The following TCP11L1 variants were observed in gnomAD, a reference collection of about 807,000 sequenced individuals.
TCP11L1 encodes the protein t-complex 11 like 1.
A neutral mutation model predicts 48.9 loss-of-function variants in TCP11L1; 28 were observed. The ratio of observed to expected loss-of-function variants is 0.57; its 90% CI spans 0.42 to 0.78. The LOEUF is 0.78. Ranked by LOEUF, TCP11L1 falls within the 30% of genes least tolerant of loss-of-function variation. The pLI is 0.00. For missense variants in TCP11L1, 505 were observed against 613.4 expected, an observed-to-expected ratio of 0.82 and a Z score of 1.87; for synonymous variants, 204 against 231.9, an observed-to-expected ratio of 0.88 and a Z score of 1.09.
chr11:33,042,010 A>G (rs147635291), intron 1 of TCP11L1, among the ~76,000 whole-genome samples: 156 of 152,338 alleles, frequency 1.0e-3, no homozygotes, highest in African/African-American at 3.6e-3. Context: ...GATGTTACAA[A>G]TGTTAATTAT....
intron 7 of TCP11L1, among the ~76,000 whole-genome samples, chr11:33,064,569 G>A (rs1227888032): frequency 6.8e-6 from 1 of 147,634 alleles, no homozygotes; most frequent in Non-Finnish European, 1.5e-5. Flanking sequence ...CTTTAACATG[G>A]GGGAGGCAGT....
At chr11:33,049,421 A>G (rs186894492) in intron 2 of TCP11L1, among the ~76,000 whole-genome samples, 9 of 152,230 alleles carry the variant, frequency 5.9e-5, no homozygotes, top group Admixed American at 1.3e-4. Context: ...GAAATAAGAC[A>G]CAGAGACAAA....
intron 8 of TCP11L1, 35 bp downstream of exon 8, chr11:33,066,046 T>C (rs774113085): frequency 6.2e-7 from 1 of 1,608,852 alleles, no homozygotes; most frequent in Non-Finnish European, 8.5e-7. Flanking sequence ...TGGGACGCAG[T>C]GGATGTCAGA....
At chr11:33,058,912 T>C (rs774351562) in intron 5 of TCP11L1, 47 bp from the exon 6 acceptor site, 1 of 1,601,100 alleles carries the variant, frequency 6.2e-7, no homozygotes, top group South Asian at 1.1e-5. Flanking sequence ...CCTTTAATGC[T>C]ATGTTTACTT....
chr11:33,066,402 A>G (rs1050323116), intron 8 of TCP11L1, among the ~76,000 whole-genome samples: 2 of 152,136 alleles, frequency 1.3e-5, no homozygotes, highest in Non-Finnish European at 2.9e-5. Context: ...AAATTTTGGC[A>G]TGGGGCACAT....
In TCP11L1 at chr11:33,055,814, ATTG is replaced by A. The variant is rs562590584; in HGVS notation, c.296+1104_296+1106del. On this transcript the variant is annotated intron_variant, in intron 3 of 9. Coordinates refer to ENST00000334274, the MANE Select transcript of TCP11L1 (RefSeq NM_018393.4). ...GTGCTCAAGACAGAAAGACATTTTT[ATTG>A]TTGTTGTTGTTGTTTTTTGAGATGG... 5.3e-5 allele frequency among the ~76,000 whole-genome samples: 8 copies of A among 152,208 alleles called. No individual in the cohort carries two copies. The South Asian group carries it at 6.2e-4, about 12-fold the overall frequency.
At chr11:33,056,968 G>T (rs749029654) in intron 3 of TCP11L1, 147 bp from the exon 4 acceptor site, 3 of 1,137,268 alleles carry the variant, frequency 2.6e-6, no homozygotes, top group Non-Finnish European at 3.7e-6. Flanking sequence ...TATGCCCTCA[G>T]TTGAAGTATG....
At chr11:33,055,443 G>C (rs1367649403) in intron 3 of TCP11L1, among the ~76,000 whole-genome samples, 1 of 152,200 alleles carries the variant, frequency 6.6e-6, no homozygotes, top group Non-Finnish European at 1.5e-5. Context: ...TTGTTGGAGA[G>C]GAACATCTTC....
chr11:33,057,104 C>T lies in TCP11L1; in HGVS notation c.297-11C>T, dbSNP rs754788809. ...TTTTTGCCCCCCTCCTTTTTTTTTT[C>T]ACTGCCCCAGCTTGAAGAAGAGAGT... On this transcript the variant is annotated splice_polypyrimidine_tract_variant and intron_variant, in intron 3 of 9. Transcript: ENST00000334274. 3.4e-5 allele frequency: 54 copies of T among 1,596,298 alleles called. No individual in the cohort carries two copies. Among genetic ancestry groups the T allele is most frequent in the Admixed American group, 1.3e-4 (7 of 55,654 alleles).
chr11:33,041,771 A>C (rs1174395632), intron 1 of TCP11L1, among the ~76,000 whole-genome samples: 11 of 152,108 alleles, frequency 7.2e-5, no homozygotes, highest in Admixed American at 6.6e-4. Flanking sequence ...AAAAAACAAA[A>C]AAACAGGCCT....
Position 33,073,013 on chromosome 11 carries a change from T to C in TCP11L1, c.*337T>C, listed in dbSNP as rs1250141978. ...TCTCTTCTGCAATCTGGGTAGTTCTTTCAGATGCCTCATGCTGAGCTGACG... is the reference window on the plus strand; with the variant it reads ...TCTCTTCTGCAATCTGGGTAGTTCTCTCAGATGCCTCATGCTGAGCTGACG... On this transcript the variant is annotated 3_prime_UTR_variant, in exon 10 of 10. Coordinates refer to ENST00000334274, the MANE Select transcript of TCP11L1 (RefSeq NM_018393.4). The C allele has an allele frequency of 1.9e-5, 6 of 322,308 alleles. No homozygotes were observed. Among genetic ancestry groups the C allele is most frequent in the Non-Finnish European group, 3.5e-5 (6 of 169,558 alleles). 20.0% of individuals were successfully genotyped at this position (322,308 alleles called of 1,614,324 possible). A position where few individuals can be genotyped will look rare whatever the true frequency, so the allele number is the denominator to read the frequency against.
chr11:33,051,474 A>T (rs748764678), intron 2 of TCP11L1, among the ~76,000 whole-genome samples: 2 of 152,148 alleles, frequency 1.3e-5, no homozygotes, highest in Non-Finnish European at 2.9e-5. Flanking sequence ...TTACATATAG[A>T]TACTTAATTG....
chr11:33,067,624 T>C (rs572529552), intron 8 of TCP11L1, among the ~76,000 whole-genome samples: 2 of 152,340 alleles, frequency 1.3e-5, no homozygotes, highest in East Asian at 3.9e-4. Flanking sequence ...GTCAGTGCTT[T>C]CTTGGGAGCC....
rs751821454 is a variant in TCP11L1, at chr11:33,066,006, C to T, written c.1149C>T (p.His383=). 3 of 1,613,986 alleles carry T rather than the reference C, an allele frequency of 1.9e-6. No homozygotes were observed. Among genetic ancestry groups the T allele is most frequent in the Non-Finnish European group, 2.5e-6 (3 of 1,179,896 alleles). ...MIVKILLTDM[H]LPSFHLKDVL... is the part of the protein sequence containing the mutation. ...TGAAGATTTTGCTAACAGATATGCA[C>T]CTGCCGTAAGTGGAACTTTGATGCG... Residue 383 remains histidine (H), a synonymous_variant, in exon 8 of 10, where the codon CAC becomes CAT. Coordinates refer to ENST00000334274, the MANE Select transcript of TCP11L1 (RefSeq NM_018393.4).
At chr11:33,060,416 C>T (rs1379012476) in intron 6 of TCP11L1, among the ~76,000 whole-genome samples, 10 of 152,102 alleles carry the variant, frequency 6.6e-5, no homozygotes, top group Admixed American at 2.6e-4. Flanking sequence ...GAGTCATGAC[C>T]GAGAGCTCAG....
intron 6 of TCP11L1, among the ~76,000 whole-genome samples, chr11:33,060,692 C>CA (rs1218292047): frequency 6.6e-6 from 1 of 152,158 alleles, no homozygotes; most frequent in Admixed American, 6.5e-5. Flanking sequence ...GCTTCCCTGA[C>CA]AGAGTTCACT....
In TCP11L1 at chr11:33,061,611, T is replaced by TG. The variant is rs1429437645; in HGVS notation, c.863dup (p.Met289AsnfsTer81). ...CAGAAGTATAAACACGCCCTGCCAG[T>TG]GGGGGGAATGGCTGCTGGCTCTGGG... On this transcript the variant is annotated frameshift_variant, in exon 7 of 10. Transcript: ENST00000334274. LOFTEE classifies it high-confidence loss of function. The TG allele has an allele frequency of 1.9e-6, 3 of 1,612,850 alleles. No individual in the cohort carries two copies. Among genetic ancestry groups the TG allele is most frequent in the Non-Finnish European group, 2.5e-6 (3 of 1,179,476 alleles).
chr11:33,046,259 C>A (rs1564974371), intron 2 of TCP11L1, among the ~76,000 whole-genome samples: 1 of 152,248 alleles, frequency 6.6e-6, no homozygotes, highest in Non-Finnish European at 1.5e-5. Context: ...TAGCTTCTCC[C>A]AACAGTTGGT....
At chr11:33,069,072 C>G (rs1343974671) in intron 9 of TCP11L1, among the ~76,000 whole-genome samples, 1 of 152,116 alleles carries the variant, frequency 6.6e-6, no homozygotes, top group East Asian at 1.9e-4. Flanking sequence ...CTTGGAATCA[C>G]TCTCCTGGGT....
Sources: gnomAD v4.1 joint callset for allele counts (sites outside exome capture counted in the v4.1 genomes callset) on GRCh38, gnomAD v4.1.1 for gene constraint, MANE v1.5 for transcripts, NCBI Gene and HGNC (gene_info 2026-07-23, HGNC 2026-07-21) for gene names.